SPIRE2: variants seen among roughly 807,000 people sequenced by gnomAD.
SPIRE2 encodes spire type actin nucleation factor 2.
SPIRE2 carries 76 observed loss-of-function variants against 80.7 expected under a neutral mutation model. The ratio of observed to expected loss-of-function variants is 0.94; its 90% CI spans 0.78 to 1.14. SPIRE2 has a LOEUF of 1.14. Among genes scored for constraint, SPIRE2 ranks in the 50% most tolerant of loss-of-function variants. The pLI is 0.00. For missense variants in SPIRE2, 1,196 were observed against 1,015.3 expected (o/e 1.18, Z -2.42); for synonymous variants, 535 against 432.6 (o/e 1.24, Z -2.94).
chr16:89,860,071 G>C (rs1350958512), intron 9 of SPIRE2, among the ~76,000 whole-genome samples: 2 of 152,074 alleles, frequency 1.3e-5, no homozygotes, highest in African/African-American at 4.8e-5. Context: ...GTTGGTGGAG[G>C]GAGGGAGGTC....
At chr16:89,847,034 T>C (rs1313819206) in intron 2 of SPIRE2, 1 of 151,218 alleles carries the variant, frequency 6.6e-6, no homozygotes, top group Non-Finnish European at 1.5e-5. Context: ...GCAAGACCTA[T>C]TGATATATTA....
At chr16:89,840,859 G>C (rs1241844372) in intron 1 of SPIRE2, among the ~76,000 whole-genome samples, 1 of 151,302 alleles carries the variant, frequency 6.6e-6, no homozygotes, top group African/African-American at 2.4e-5. Context: ...GGATGGTCTC[G>C]ATCTCCTGAC....
intron 12 of SPIRE2, among the ~76,000 whole-genome samples, chr16:89,864,333 G>A (rs780574736): frequency 2.0e-5 from 3 of 151,946 alleles, no homozygotes; most frequent in African/African-American, 2.4e-5. Flanking sequence ...GGGCTGCGCC[G>A]AGAAAGCCTC....
In SPIRE2 at chr16:89,858,355, T is replaced by C. The variant is rs745335748; in HGVS notation, c.1120T>C (p.Cys374Arg). Residue 374 changes from cysteine (C) to arginine (R), a missense_variant, in exon 8 of 15, where the codon TGC (cysteine) becomes CGC (arginine). Coordinates refer to ENST00000378247, the MANE Select transcript of SPIRE2 (RefSeq NM_032451.2). ...WAARGFGSLP[C>R]ILNACSGDAK... ...CTCCCCAGGGTTTGGCTCTCTGCCC[T>C]GCATCCTCAACGCCTGCTCCGGAGA... 1.9e-6 allele frequency: 3 copies of C among 1,606,668 alleles called. No homozygotes were observed. The highest frequency in any genetic ancestry group is 2.7e-5 in the African/African-American group (2 of 74,796).
chr16:89,868,629 C>T (rs987454802), intron 13 of SPIRE2, among the ~76,000 whole-genome samples: 2 of 151,956 alleles, frequency 1.3e-5, no homozygotes, highest in Non-Finnish European at 2.9e-5. Context: ...TTTGGGAGGC[C>T]AGTGAGGCTG....
chr16:89,848,854 C>T (rs1383545023), intron 2 of SPIRE2, among the ~76,000 whole-genome samples: 2 of 141,862 alleles, frequency 1.4e-5, no homozygotes, highest in East Asian at 2.0e-4. Flanking sequence ...GCAGGTCAGA[C>T]GAGGCAGGTT....
chr16:89,835,765 G>C (rs570595220), intron 1 of SPIRE2, among the ~76,000 whole-genome samples: 42 of 152,326 alleles, frequency 2.8e-4, no homozygotes, highest in Middle Eastern at 3.4e-3. Context: ...GACACCTGGA[G>C]GAAGGGCCCA....
At chr16:89,854,950 C>G (rs200573446) in intron 5 of SPIRE2, among the ~76,000 whole-genome samples, 8 of 136,170 alleles carry the variant, frequency 5.9e-5, no homozygotes, top group African/African-American at 2.2e-4. Context: ...TTTTTTTTTT[C>G]TTTTTTGAGA....
Position 89,850,527 on chromosome 16 carries a change from C to A in SPIRE2, c.512C>A (p.Ala171Asp). Reference sequence around the variant, plus strand: ...CGCAGCGTGCGCACCTTTGCCCAGGCCATGCGGCTGTGCGCGGCGCGGCTG... The same window carrying A: ...CGCAGCGTGCGCACCTTTGCCCAGGACATGCGGCTGTGCGCGGCGCGGCTG... ...VPRSVRTFAQ[A>D]MRLCAARLTD... Residue 171 changes from alanine (A) to aspartate (D), a missense_variant, in exon 3 of 15, where the codon GCC becomes GAC. By Grantham distance (126) the Ala-to-Asp change is moderately radical (BLOSUM62 -2). Transcript: ENST00000378247. The A allele has an allele frequency of 2.0e-6, 3 of 1,521,514 alleles. No individual in the cohort carries two copies. The highest frequency in any genetic ancestry group is 1.8e-6 in the Non-Finnish European group (2 of 1,139,098). 94.3% of individuals were successfully genotyped at this position (1,521,514 alleles called of 1,614,324 possible). A position where few individuals can be genotyped will look rare whatever the true frequency, so the allele number is the denominator to read the frequency against.
intron 2 of SPIRE2, chr16:89,845,641 G>T: frequency 2.9e-6 from 2 of 701,040 alleles, no homozygotes; most frequent in East Asian, 5.4e-5. Context: ...CAGATGAGGG[G>T]CACAGCTGAC....
At chr16:89,856,024 C>T in intron 6 of SPIRE2, 89 bp from the exon 7 acceptor site, 1 of 1,555,334 alleles carries the variant, frequency 6.4e-7, no homozygotes, top group African/African-American at 1.4e-5. Flanking sequence ...GGTCACTTCC[C>T]CACCACAGGT....
At chr16:89,844,276 C>T (rs1331280379) in intron 1 of SPIRE2, among the ~76,000 whole-genome samples, 5 of 152,052 alleles carry the variant, frequency 3.3e-5, no homozygotes, top group Non-Finnish European at 7.4e-5. Context: ...TCAAGCGATT[C>T]TCACGCCTCA....
At position 89,838,034 on chromosome 16, in the gene SPIRE2, C is replaced by T. The variant is rs1186194619; in HGVS notation, c.245-7288C>T. 5.3e-4 allele frequency among the ~76,000 whole-genome samples: 81 copies of T among 151,882 alleles called. 1 individual carries two copies. Among genetic ancestry groups the T allele is most frequent in the Non-Finnish European group, 2.9e-5 (2 of 67,986 alleles). On this transcript the variant is annotated intron_variant, in intron 1 of 14. Coordinates refer to ENST00000378247, the MANE Select transcript of SPIRE2 (RefSeq NM_032451.2). ...TTTGTTTTTATTTTTTTTTCTGAGA[C>T]AAGTCTTGCTCTGTCACCCAGGCTG...
intron 1 of SPIRE2, among the ~76,000 whole-genome samples, 170 bp from the exon 2 acceptor site, chr16:89,845,152 A>G (rs927885846): frequency 2.0e-5 from 3 of 152,118 alleles, no homozygotes; most frequent in South Asian, 2.1e-4. Context: ...GCCGGGCCTC[A>G]TGGGTGTTCG....
In SPIRE2 at chr16:89,846,328, C is replaced by CTT. The variant is rs34169212; in HGVS notation, c.288+973_288+974dup. Reference sequence around the variant, plus strand: ...AGTTCTGAGCCACTGTGCCTGGCCTCTTTTTTTTTTTGAGATAGAATCTCC... The same window carrying CTT: ...AGTTCTGAGCCACTGTGCCTGGCCTCTTTTTTTTTTTTTGAGATAGAATCTCC... On this transcript the variant is annotated intron_variant, in intron 2 of 14. Coordinates refer to ENST00000378247, the MANE Select transcript of SPIRE2 (RefSeq NM_032451.2). 142 of 148,010 alleles carry CTT rather than the reference C, an allele frequency of 9.6e-4. 1 individual carries two copies. Among genetic ancestry groups the CTT allele is most frequent in the Middle Eastern group, 3.5e-3 (1 of 286 alleles). 9.2% of individuals were successfully genotyped at this position (148,010 alleles called of 1,614,324 possible).
chr16:89,867,993 C>G (rs2041804631), intron 12 of SPIRE2, among the ~76,000 whole-genome samples, 196 bp from the exon 13 acceptor site: 1 of 152,164 alleles, frequency 6.6e-6, no homozygotes, highest in African/African-American at 2.4e-5. Context: ...CCAAGGAGCA[C>G]ATATATTTTG....
chr16:89,869,543 A>C, intron 13 of SPIRE2, 24 bp from the exon 14 acceptor site: 3 of 1,528,760 alleles, frequency 2.0e-6, no homozygotes, highest in Non-Finnish European at 2.7e-6. Context: ...TGCCTGGTTC[A>C]TACCTCCTCC....
chr16:89,854,546 G>T lies in SPIRE2; in HGVS notation c.786G>T (p.Val262=), dbSNP rs1597218893. The part of the protein sequence containing the change: ...ELRRGVKLKK[V]QEQEFNPLPT... ...GCCGCGGAGTGAAGCTGAAGAAGGT[G>T]CAAGAGCAGGAGTTCAACCCCCTCC... Residue 262 remains valine (V), a synonymous_variant, in exon 5 of 15, where the codon GTG becomes GTT. Transcript: ENST00000378247. 1 of 1,612,786 alleles carries T rather than the reference G, an allele frequency of 6.2e-7. No homozygotes were observed. The highest frequency in any genetic ancestry group is 8.5e-7 in the Non-Finnish European group (1 of 1,179,952).
chr16:89,843,594 G>A (rs1385401677), intron 1 of SPIRE2, among the ~76,000 whole-genome samples: 4 of 146,366 alleles, frequency 2.7e-5, no homozygotes, highest in East Asian at 2.0e-4. Context: ...GGCAGGTGGT[G>A]TGTCTCATCT....
Sources: gnomAD v4.1 joint callset for allele counts (sites outside exome capture counted in the v4.1 genomes callset) on GRCh38, gnomAD v4.1.1 for gene constraint, MANE v1.5 for transcripts, NCBI Gene and HGNC (gene_info 2026-07-23, HGNC 2026-07-21) for gene names.